Variants in MAP3K7 observed in about 807,000 individuals in gnomAD.
The protein encoded by MAP3K7 is TGF-beta activated kinase 1.
In MAP3K7, 21 loss-of-function variants were observed where a neutral mutation model predicts 84.8. That is an observed-to-expected ratio of 0.25 (90% confidence interval 0.18 to 0.36). The LOEUF (loss-of-function observed/expected upper bound fraction) is 0.36. Among genes scored for constraint, MAP3K7 ranks in the 10% least tolerant of loss-of-function variants. The pLI, the probability that MAP3K7 is intolerant of heterozygous loss-of-function variation, is 1.00. For synonymous variants in MAP3K7, 241 were observed against 247.7 expected, an observed-to-expected ratio of 0.97 and a Z score of 0.25; for missense variants, 503 against 747.7, an observed-to-expected ratio of 0.67 and a Z score of 3.82.
In MAP3K7 at chr6:90,568,493, A is replaced by G. The variant is rs897108698; in HGVS notation, c.297+65T>C. 5 of 1,359,346 alleles carry G rather than the reference A, an allele frequency of 3.7e-6. No homozygotes were observed. In the African/African-American group the frequency reaches 5.9e-5, roughly 16 times the overall value. The allele number at this position is 1,359,346 out of a possible 1,614,324, so 84.2% of individuals were successfully genotyped here. A position where few individuals can be genotyped will look rare whatever the true frequency, so the allele number is the denominator to read the frequency against. On this transcript the variant is annotated intron_variant, in intron 3 of 16. Coordinates refer to ENST00000369329, the MANE Select transcript of MAP3K7 (RefSeq NM_145331.3). ...CAAAAAAACCCAAAAATAGCTACAT[A>G]AACTACACACACACATCTGCCATGT... is the stretch of plus-strand genomic sequence containing the variant.
intron 3 of MAP3K7, among the ~76,000 whole-genome samples, chr6:90,564,633 AC>A (rs778744937): frequency 1.4e-4 from 21 of 152,152 alleles, no homozygotes; most frequent in Non-Finnish European, 2.4e-4. Flanking sequence ...AGGCTTTAAC[AC>A]CCCACTGTCA....
At chr6:90,557,996 C>A (rs1776387781) in intron 5 of MAP3K7, among the ~76,000 whole-genome samples, 1 of 152,198 alleles carries the variant, frequency 6.6e-6, no homozygotes, top group Admixed American at 6.5e-5. Context: ...TTCCTGACCA[C>A]AGAATCTGTA....
chr6:90,586,036 A>G (rs1459216584), intron 1 of MAP3K7, among the ~76,000 whole-genome samples: 1 of 152,238 alleles, frequency 6.6e-6, no homozygotes, highest in East Asian at 1.9e-4. Flanking sequence ...CATGCCAGGT[A>G]CTGAAGTAGA....
chr6:90,559,738 G>A (rs1042678733), intron 5 of MAP3K7, among the ~76,000 whole-genome samples: 8 of 152,130 alleles, frequency 5.3e-5, no homozygotes, highest in Admixed American at 2.0e-4. Context: ...CAAGAAAAAC[G>A]TCAGACCTAT....
At chr6:90,566,786 G>A (rs1776720368) in intron 3 of MAP3K7, among the ~76,000 whole-genome samples, 1 of 152,122 alleles carries the variant, frequency 6.6e-6, no homozygotes, top group African/African-American at 2.4e-5. Flanking sequence ...CAAAGCTGGA[G>A]GCATCACGCT....
chr6:90,544,667 C>G (rs1217433556), intron 11 of MAP3K7, 35 bp from the exon 12 acceptor site: 2 of 1,508,328 alleles, frequency 1.3e-6, no homozygotes, highest in Non-Finnish European at 1.8e-6. Flanking sequence ...TACATGCAAA[C>G]AACCACAAAC....
At chr6:90,565,248 CA>C (rs200067328) in intron 3 of MAP3K7, among the ~76,000 whole-genome samples, 6,045 of 147,386 alleles carry the variant, frequency 0.041, 151 homozygotes, top group African/African-American at 0.068. Context: ...ACAAACCCTT[CA>C]AAAAAAAAAT....
At chr6:90,570,014 G>T (rs16883187) in intron 2 of MAP3K7, among the ~76,000 whole-genome samples, 5,619 of 151,998 alleles carry the variant, frequency 0.037, 128 homozygotes, top group African/African-American at 0.056. Flanking sequence ...AATAGAATTA[G>T]TATCACTATT....
At chr6:90,565,886 C>A (rs1776686895) in intron 3 of MAP3K7, among the ~76,000 whole-genome samples, 1 of 152,176 alleles carries the variant, frequency 6.6e-6, no homozygotes, top group African/African-American at 2.4e-5. Context: ...GGCCTCATCC[C>A]TGGGTTGCAA....
At chr6:90,580,379 C>G (rs1336096284) in intron 1 of MAP3K7, among the ~76,000 whole-genome samples, 1 of 152,168 alleles carries the variant, frequency 6.6e-6, no homozygotes, top group Non-Finnish European at 1.5e-5. Flanking sequence ...TTATTTACTA[C>G]CAAATTTCTA....
chr6:90,568,581 G>C lies in MAP3K7; in HGVS notation c.274C>G (p.Leu92Val). The stretch of plus-strand genomic sequence containing the variant: ...ACTGGATTCAAGCAGGCTCCATAAA[G>C]CTTTACAATATTAGGATGGTTCACA... ...SRVNHPNIVK[L>V]YGACLNPVCL... Residue 92 changes from leucine to valine, a missense_variant, in exon 3 of 17, where the codon CTT becomes GTT. By Grantham distance (32) the Leu-to-Val change is conservative. Transcript: ENST00000369329. 1 of 1,609,212 alleles carries C rather than the reference G, an allele frequency of 6.2e-7. No homozygotes were observed. Among genetic ancestry groups the C allele is most frequent in the Non-Finnish European group, 8.5e-7 (1 of 1,178,858 alleles).
chr6:90,538,858 A>G (rs1775761633), intron 12 of MAP3K7, among the ~76,000 whole-genome samples: 1 of 151,904 alleles, frequency 6.6e-6, no homozygotes, highest in South Asian at 2.1e-4. Flanking sequence ...AGTTAAGCTC[A>G]TAGTTTTCCT....
intron 1 of MAP3K7, among the ~76,000 whole-genome samples, chr6:90,579,537 T>C (rs951640445): frequency 1.3e-5 from 2 of 152,224 alleles, no homozygotes; most frequent in African/African-American, 2.4e-5. Context: ...TCAAGATATA[T>C]TTAAAACTGC....
rs1774895924 is a variant in MAP3K7 at position 90,514,542 on chromosome 6, T to A, written c.*1959A>T. On this transcript the variant is annotated 3_prime_UTR_variant, in exon 17 of 17. Transcript: ENST00000369329. ...AAATGACTACATGTAAAAACCATAA[T>A]AAAATTTCCCTTAAATGTGTTATAA... The A allele has an allele frequency of 1.3e-5, 1 of 76,184 alleles. No homozygotes were observed. Among genetic ancestry groups the A allele is most frequent in the Admixed American group, 1.1e-4 (1 of 8,698 alleles). 4.7% of individuals were successfully genotyped at this position (76,184 alleles called of 1,614,324 possible).
At chr6:90,522,268 T>C (rs750535760) in intron 14 of MAP3K7, among the ~76,000 whole-genome samples, 2 of 152,028 alleles carry the variant, frequency 1.3e-5, no homozygotes, top group Non-Finnish European at 2.9e-5. Flanking sequence ...GAGGCAGAAA[T>C]GTAGCAGTTA....
Position 90,513,881 on chromosome 6 carries a change from A to G in MAP3K7, c.*2620T>C, listed in dbSNP as rs1461046041. 1.3e-5 allele frequency: 2 copies of G among 152,148 alleles called. No homozygotes were observed. The highest frequency in any genetic ancestry group is 2.4e-5 in the African/African-American group (1 of 41,456). 9.4% of individuals were successfully genotyped at this position (152,148 alleles called of 1,614,324 possible). On this transcript the variant is annotated 3_prime_UTR_variant, in exon 17 of 17. Transcript: ENST00000369329. ...GACATTCAATACTCTAAAATACTTC[A>G]GCAAAAATAGTCAAACATCCGTAAA...
At chr6:90,550,996 C>G (rs529627826) in intron 8 of MAP3K7, 1 of 152,440 alleles carries the variant, frequency 6.6e-6, no homozygotes, top group African/African-American at 2.4e-5. Flanking sequence ...CTCAAAGTAT[C>G]TGCTGGACAA....
chr6:90,533,519 C>T lies in MAP3K7; in HGVS notation c.1356+2818G>A, dbSNP rs575298804. Reference sequence around the variant, plus strand: ...CTGTCAGAAAGCAAGGGCAATTCCACAGGGAGGGCAGTCCAGAGTGAGGAC... The same window carrying T: ...CTGTCAGAAAGCAAGGGCAATTCCATAGGGAGGGCAGTCCAGAGTGAGGAC... On this transcript the variant is annotated intron_variant, in intron 13 of 16. Coordinates refer to ENST00000369329, the MANE Select transcript of MAP3K7 (RefSeq NM_145331.3). Among the ~76,000 whole-genome samples, 31 of 152,270 alleles carry T rather than the reference C, an allele frequency of 2.0e-4. No homozygotes were observed. In the South Asian group the frequency reaches 6.0e-3, roughly 30 times the overall value.
chr6:90,567,635 C>T (rs1428085202), intron 3 of MAP3K7, among the ~76,000 whole-genome samples: 1 of 152,158 alleles, frequency 6.6e-6, no homozygotes, highest in Non-Finnish European at 1.5e-5. Flanking sequence ...ACTAGTTCAG[C>T]CATTGTGGAA....
Sources: gnomAD v4.1 joint callset for allele counts (sites outside exome capture counted in the v4.1 genomes callset) on GRCh38, gnomAD v4.1.1 for gene constraint, MANE v1.5 for transcripts, NCBI Gene and HGNC (gene_info 2026-07-23, HGNC 2026-07-21) for gene names.